WSCD2: variants seen among roughly 807,000 people sequenced by gnomAD.
WSCD2 encodes sialate:O-sulfotransferase 2.
A neutral mutation model predicts 55.7 loss-of-function variants in WSCD2; 28 were observed. The observed-to-expected ratio is 0.50, with a 90% CI of 0.37 to 0.69. The LOEUF (loss-of-function observed/expected upper bound fraction) is 0.69, where lower values mean the gene tolerates loss of function less well. Among genes scored for constraint, WSCD2 ranks in the 30% least tolerant of loss-of-function variants. The pLI, the probability that WSCD2 is intolerant of heterozygous loss-of-function variation, is 0.00. For missense variants in WSCD2, 616 were observed against 762.1 expected (o/e 0.81, Z 2.26); for synonymous variants, 301 against 301.9 (o/e 1.00, Z 0.03).
At chr12:108,205,375 T>G (rs1313942317) in intron 2 of WSCD2, among the ~76,000 whole-genome samples, 8 of 152,146 alleles carry the variant, frequency 5.3e-5, no homozygotes, top group Admixed American at 1.3e-4. Context: ...GTAAAGCACT[T>G]ACCAAAGTGA....
chr12:108,160,308 A>G (rs1021762091), intron 1 of WSCD2, among the ~76,000 whole-genome samples: 10 of 152,168 alleles, frequency 6.6e-5, no homozygotes, highest in African/African-American at 2.4e-4. Flanking sequence ...ATATGACAAG[A>G]TAGTATATTG....
intron 5 of WSCD2, among the ~76,000 whole-genome samples, chr12:108,226,288 C>T (rs1888077948): frequency 6.6e-6 from 1 of 152,114 alleles, no homozygotes; most frequent in Non-Finnish European, 1.5e-5. Flanking sequence ...GTCCATCTTG[C>T]CCCCACTTAG....
chr12:108,182,064 CTCTA>C (rs920677007), intron 1 of WSCD2, among the ~76,000 whole-genome samples: 9 of 152,198 alleles, frequency 5.9e-5, no homozygotes, highest in Non-Finnish European at 1.2e-4. Context: ...AAAACTCATG[CTCTA>C]TCTCTTTCTT....
At chr12:108,230,119 C>G (rs1362282516) in intron 6 of WSCD2, among the ~76,000 whole-genome samples, 1 of 152,138 alleles carries the variant, frequency 6.6e-6, no homozygotes, top group Non-Finnish European at 1.5e-5. Flanking sequence ...TGAAGTAACA[C>G]TTCCATAGAG....
intron 6 of WSCD2, among the ~76,000 whole-genome samples, chr12:108,231,491 A>G (rs1888751984): frequency 6.6e-6 from 1 of 152,238 alleles, no homozygotes; most frequent in Non-Finnish European, 1.5e-5. Flanking sequence ...AAATATCCAA[A>G]TGGTACTCAC....
At chr12:108,182,641 CAGGTAGAGGAGT>C (rs1881936900) in intron 1 of WSCD2, among the ~76,000 whole-genome samples, 1 of 152,148 alleles carries the variant, frequency 6.6e-6, no homozygotes, top group South Asian at 2.1e-4. Context: ...AGAAAAGGAG[CAGGTAGAGGAGT>C]AGTCAATTAC....
chr12:108,146,416 G>A (rs1176143695), intron 1 of WSCD2, among the ~76,000 whole-genome samples: 2 of 152,258 alleles, frequency 1.3e-5, no homozygotes, highest in Admixed American at 1.3e-4. Flanking sequence ...TCCTGGCACA[G>A]AGGCCACCTG....
intron 1 of WSCD2, among the ~76,000 whole-genome samples, chr12:108,173,223 G>A (rs369405205): frequency 6.6e-6 from 1 of 152,164 alleles, no homozygotes; most frequent in Non-Finnish European, 1.5e-5. Context: ...GGGTGCTGTC[G>A]AGATGTCCCC....
rs1888889317 is a variant in WSCD2 at position 108,232,602 on chromosome 12, C to T, written c.980-129C>T. 5.8e-6 allele frequency: 5 copies of T among 864,294 alleles called. No individual in the cohort carries two copies. In the Admixed American group the frequency reaches 1.4e-4, roughly 25 times the overall value. The allele number at this position is 864,294 out of a possible 1,614,324, so 53.5% of individuals were successfully genotyped here. A position where few individuals can be genotyped will look rare whatever the true frequency, so the allele number is the denominator to read the frequency against. ...GGCCCAAGGAAGCTTTCCCATGACC[C>T]ACGCAAGTGTCCTGTGCCCTTGATC... On this transcript the variant is annotated intron_variant, in intron 6 of 8. Coordinates refer to ENST00000547525, the MANE Select transcript of WSCD2 (RefSeq NM_014653.4).
At chr12:108,236,291 G>A (rs1889260634) in intron 7 of WSCD2, among the ~76,000 whole-genome samples, 2 of 152,280 alleles carry the variant, frequency 1.3e-5, no homozygotes, top group African/African-American at 4.8e-5. Context: ...TCCTAGGCCT[G>A]ACAGGCTGCC....
intron 1 of WSCD2, among the ~76,000 whole-genome samples, chr12:108,176,905 G>C (rs1278539735): frequency 6.6e-6 from 1 of 152,148 alleles, no homozygotes; most frequent in Non-Finnish European, 1.5e-5. Flanking sequence ...CCACGTGAAA[G>C]CGATTAGAAG....
intron 1 of WSCD2, among the ~76,000 whole-genome samples, chr12:108,137,250 GTATCA>G (rs1392458656): frequency 6.6e-6 from 1 of 152,200 alleles, no homozygotes; most frequent in East Asian, 1.9e-4. Context: ...GCTCTTAGGT[GTATCA>G]CCATCATAAC....
intron 4 of WSCD2, among the ~76,000 whole-genome samples, chr12:108,218,824 C>T (rs558155807): frequency 1.3e-5 from 2 of 152,230 alleles, no homozygotes; most frequent in South Asian, 4.2e-4. Context: ...CAGCAGTGTC[C>T]CTGGCTGTGG....
intron 1 of WSCD2, among the ~76,000 whole-genome samples, chr12:108,131,110 G>A (rs1236370046): frequency 2.6e-5 from 4 of 152,102 alleles, no homozygotes; most frequent in East Asian, 1.9e-4. Flanking sequence ...TTAGAGCTGC[G>A]TCCCTAGGCT....
intron 1 of WSCD2, among the ~76,000 whole-genome samples, chr12:108,176,081 C>T (rs962689837): frequency 1.3e-5 from 2 of 152,264 alleles, no homozygotes; most frequent in Middle Eastern, 3.4e-3. Flanking sequence ...CCTCATGATC[C>T]GCCCACCTCA....
chr12:108,240,648 G>C, intron 8 of WSCD2, 104 bp downstream of exon 8: 2 of 1,341,530 alleles, frequency 1.5e-6, no homozygotes, highest in Non-Finnish European at 1.0e-6. Context: ...AGGAGGCAAT[G>C]CCTCATGCGA....
At chr12:108,212,106 C>G (rs117554510) in intron 4 of WSCD2, among the ~76,000 whole-genome samples, 4,940 of 152,184 alleles carry the variant, frequency 0.032, 91 homozygotes, top group Non-Finnish European at 0.038. Context: ...GTATGAAGCC[C>G]TAGGAGGGCA....
intron 1 of WSCD2, among the ~76,000 whole-genome samples, chr12:108,181,541 T>G (rs1212877113): frequency 6.6e-6 from 1 of 152,152 alleles, no homozygotes; most frequent in Non-Finnish European, 1.5e-5. Flanking sequence ...AGAGGTGGCA[T>G]GATGGCACCC....
chr12:108,202,364 A>G (rs1249727681), intron 2 of WSCD2, among the ~76,000 whole-genome samples: 1 of 152,204 alleles, frequency 6.6e-6, no homozygotes, highest in Non-Finnish European at 1.5e-5. Context: ...AGGACCATGT[A>G]TCTTCCTCTC....
Sources: allele counts gnomAD v4.1 joint callset (sites outside exome capture counted in the v4.1 genomes callset), GRCh38; gene constraint gnomAD v4.1.1; transcripts MANE v1.5; gene names NCBI Gene and HGNC (gene_info 2026-07-23, HGNC 2026-07-21).